The following RADIL variants were observed in gnomAD, a reference collection of about 807,000 sequenced individuals.
RADIL encodes the protein Rap associating with DIL domain, also known as ras-associating and dilute domain-containing protein.
A neutral mutation model predicts 97.6 loss-of-function variants in RADIL; 99 were observed. That is an observed-to-expected ratio of 1.01 (90% CI 0.86 to 1.20). The LOEUF (loss-of-function observed/expected upper bound fraction) is 1.20, where lower values mean the gene tolerates loss of function less well. Ranked by LOEUF, RADIL falls within the 50% of genes most tolerant of loss-of-function variation. RADIL has a pLI of 0.00. For missense variants in RADIL, 1,765 were observed against 1,498.9 expected, an observed-to-expected ratio of 1.18 and a Z score of -2.93; for synonymous variants, 803 against 691.8, an observed-to-expected ratio of 1.16 and a Z score of -2.52.
chr7:4,857,291 T>C (rs13239955), intron 2 of RADIL, among the ~76,000 whole-genome samples: 39,983 of 152,058 alleles, frequency 0.26, 5,434 homozygotes, highest in South Asian at 0.37. Context: ...CCCAGCTTCT[T>C]TTCATTAGCG....
In RADIL at chr7:4,811,010, G is replaced by A. The variant is rs147976465; in HGVS notation, c.2139+4268C>T. Among the ~76,000 whole-genome samples, 1,493 of 152,248 alleles carry A rather than the reference G, an allele frequency of 9.8e-3. 27 individuals are homozygous for A. The highest frequency in any genetic ancestry group is 0.034 in the African/African-American group (1,429 of 41,524). On this transcript the variant is annotated intron_variant, in intron 9 of 14. Transcript: ENST00000399583. ...AAATTAGCTGGGTGTGGTGGCACAT[G>A]CCTGTAACCCCAGCTACTCAAGAGG... is the stretch of plus-strand genomic sequence containing the variant.
rs200854596 is a variant in RADIL, at chr7:4,827,915, CA to C, written c.1454+4225del. Among the ~76,000 whole-genome samples, 17 of 148,312 alleles carry C rather than the reference CA, an allele frequency of 1.1e-4. No homozygotes were observed. In the East Asian group the frequency reaches 2.0e-3, roughly 17 times the overall value. ...AGTGCAAAACAAACAAACAAACAAA[CA>C]AAAAAAAACGTAGACCAGTTTTACC... On this transcript the variant is annotated intron_variant, in intron 5 of 14. Coordinates refer to ENST00000399583, the MANE Select transcript of RADIL (RefSeq NM_018059.5).
chr7:4,800,110 C>T, intron 13 of RADIL, 61 bp downstream of exon 13: 2 of 1,553,048 alleles, frequency 1.3e-6, no homozygotes, highest in Non-Finnish European at 1.7e-6. Flanking sequence ...GCCAGGCTTG[C>T]ATGAACAGGC....
rs576299116 is a variant in RADIL, at chr7:4,824,375, T to C, written c.1455-1821A>G. 8.9e-4 allele frequency among the ~76,000 whole-genome samples: 136 copies of C among 152,320 alleles called. No homozygotes were observed. Among genetic ancestry groups the C allele is most frequent in the African/African-American group, 3.2e-3 (131 of 41,580 alleles). The stretch of plus-strand genomic sequence containing the variant: ...GGTGTGTGGACCCGGCCTGGGGTCC[T>C]TTGAAAGGTGCCAAGCCCACAGGAA... On this transcript the variant is annotated intron_variant, in intron 5 of 14. Transcript: ENST00000399583. This position sits in a 1 kb window ranked among gnomAD's most constrained non-coding sequence, Gnocchi z 6.7.
Position 4,814,507 on chromosome 7 carries a change from A to T in RADIL, c.2139+771T>A, listed in dbSNP as rs1782625395. Among the ~76,000 whole-genome samples the T allele has an allele frequency of 6.6e-6, 1 of 150,938 alleles. No homozygotes were observed. On this transcript the variant is annotated intron_variant, in intron 9 of 14. Transcript: ENST00000399583. The surrounding 1 kb of genome is among the most constrained non-coding windows in gnomAD (Gnocchi z 4.5). ...GAGAGGAAACCATCGGTCTATTTCC[A>T]TTAATTACCTGTGATGACTGTGTTG...
In RADIL at chr7:4,805,974, G is replaced by C. The variant is rs143863885; in HGVS notation, c.2140-258C>G. On this transcript the variant is annotated intron_variant, in intron 9 of 14. Coordinates refer to ENST00000399583, the MANE Select transcript of RADIL (RefSeq NM_018059.5). ...CCCAGGGAACCCACCCCCGTCTCAAGCAAGGGCCGGCCTCACAGGCGGCCG... is the reference window on the plus strand; with the variant it reads ...CCCAGGGAACCCACCCCCGTCTCAACCAAGGGCCGGCCTCACAGGCGGCCG... The C allele has an allele frequency of 8.6e-4, 845 of 985,440 alleles. 1 individual carries two copies. In the African/African-American group the frequency reaches 0.013, roughly 15 times the overall value. The allele number at this position is 985,440 out of a possible 1,614,324, so 61.0% of individuals were successfully genotyped here.
At chr7:4,808,927 C>T (rs1782447486) in intron 9 of RADIL, 1 of 916,002 alleles carries the variant, frequency 1.1e-6, no homozygotes, top group Non-Finnish European at 1.3e-6. Context: ...ACGTCTCCTT[C>T]CAACGCCACT....
rs746886109 is a variant in RADIL at position 4,817,936 on chromosome 7, C to G, written c.1616-585G>C. ...TCTTGTGAAGGTGGGAGGCCCCCAA[C>G]AGGGTGGAGCCTTCCCCGGGGGCTT... On this transcript the variant is annotated intron_variant, in intron 6 of 14. Coordinates refer to ENST00000399583, the MANE Select transcript of RADIL (RefSeq NM_018059.5). The surrounding 1 kb of genome is among the most constrained non-coding windows in gnomAD (Gnocchi z 8.3). Among the ~76,000 whole-genome samples, 1 of 152,232 alleles carries G rather than the reference C, an allele frequency of 6.6e-6. No homozygotes were observed. The highest frequency in any genetic ancestry group is 2.4e-5 in the African/African-American group (1 of 41,468).
intron 1 of RADIL, among the ~76,000 whole-genome samples, chr7:4,881,184 G>A (rs1583334788): frequency 6.6e-6 from 1 of 151,372 alleles, no homozygotes; most frequent in Non-Finnish European, 1.5e-5. Flanking sequence ...GGGAGGCTGA[G>A]GCGGGCAGAT....
In RADIL at chr7:4,818,307, C is replaced by T. The variant is rs1381740129; in HGVS notation, c.1616-956G>A. Among the ~76,000 whole-genome samples, 5 of 152,174 alleles carry T rather than the reference C, an allele frequency of 3.3e-5. No individual in the cohort carries two copies. The highest frequency in any genetic ancestry group is 2.1e-4 in the South Asian group (1 of 4,828). ...CACAGGCCCCCAGCTGCCCCTCTGC[C>T]GGGCAGACTGCACCGGAGGCCGGCC... is the stretch of plus-strand genomic sequence containing the variant. On this transcript the variant is annotated intron_variant, in intron 6 of 14. Coordinates refer to ENST00000399583, the MANE Select transcript of RADIL (RefSeq NM_018059.5). This position sits in a 1 kb window ranked among gnomAD's most constrained non-coding sequence, Gnocchi z 7.1.
intron 9 of RADIL, among the ~76,000 whole-genome samples, chr7:4,806,745 G>C (rs976026552): frequency 6.6e-6 from 1 of 152,216 alleles, no homozygotes; most frequent in African/African-American, 2.4e-5. Context: ...CCTGCGTGCT[G>C]GAACTGTCTT....
At chr7:4,806,683 A>G (rs574097874) in intron 9 of RADIL, among the ~76,000 whole-genome samples, 184 of 152,270 alleles carry the variant, frequency 1.2e-3, no homozygotes, top group African/African-American at 4.2e-3. Flanking sequence ...TTTCTATGGA[A>G]TAGATCTTCT....
At chr7:4,860,704 A>T in intron 2 of RADIL, 3 of 1,614,198 alleles carry the variant, frequency 1.9e-6, no homozygotes, top group Non-Finnish European at 1.7e-6. Flanking sequence ...TGTACTTTTG[A>T]AAGAAGCTTG....
At chr7:4,860,351 A>G (rs1783952849) in intron 2 of RADIL, 10 of 1,613,892 alleles carry the variant, frequency 6.2e-6, no homozygotes, top group South Asian at 2.2e-5. Flanking sequence ...TCTTAAATGC[A>G]TTGCAGTAAT....
Position 4,809,560 on chromosome 7 carries a change from C to A in RADIL, c.2140-3844G>T, listed in dbSNP as rs531923354. Reference sequence around the variant, plus strand: ...GGAGCCCCCAGGCCCGCCCAGGCACCACGGCAGGTCCCGCCCCACTTCCAG... The same window carrying A: ...GGAGCCCCCAGGCCCGCCCAGGCACAACGGCAGGTCCCGCCCCACTTCCAG... On this transcript the variant is annotated intron_variant, in intron 9 of 14. Coordinates refer to ENST00000399583, the MANE Select transcript of RADIL (RefSeq NM_018059.5). 419 of 985,492 alleles carry A rather than the reference C, an allele frequency of 4.3e-4. 3 individuals are homozygous for A. The African/African-American group carries it at 6.8e-3, about 16-fold the overall frequency. 61.0% of individuals were successfully genotyped at this position (985,492 alleles called of 1,614,324 possible).
intron 2 of RADIL, among the ~76,000 whole-genome samples, chr7:4,865,111 C>G (rs891806053): frequency 1.3e-5 from 2 of 152,230 alleles, no homozygotes; most frequent in African/African-American, 4.8e-5. Flanking sequence ...CTTCCTGCCC[C>G]ACCGACTGCC....
chr7:4,862,368 G>C (rs888143459), intron 2 of RADIL, among the ~76,000 whole-genome samples: 1 of 152,196 alleles, frequency 6.6e-6, no homozygotes, highest in East Asian at 1.9e-4. Flanking sequence ...AGCAGCTTCT[G>C]TCTTGTTTCT....
chr7:4,811,274 T>A (rs1055520069), intron 9 of RADIL: 1 of 152,078 alleles, frequency 6.6e-6, no homozygotes, highest in African/African-American at 2.4e-5. Flanking sequence ...TAAACACCAA[T>A]ACACTCGGAC....
At chr7:4,805,981 CCG>C in intron 9 of RADIL, 1 of 985,466 alleles carries the variant, frequency 1.0e-6, no homozygotes, top group Non-Finnish European at 1.2e-6. Flanking sequence ...CAAGCAAGGG[CCG>C]GCCTCACAGG....
Sources: gnomAD v4.1 joint callset for allele counts (sites outside exome capture counted in the v4.1 genomes callset) on GRCh38, gnomAD v4.1.1 for gene constraint, Gnocchi (gnomAD v3.1) non-coding constraint, MANE v1.5 for transcripts, NCBI Gene and HGNC (gene_info 2026-07-23, HGNC 2026-07-21) for gene names.